RAPGEF4: variants seen among roughly 807,000 people sequenced by gnomAD.
The protein encoded by RAPGEF4 is RAP guanine-nucleotide-exchange factor (GEF) 4.
Under a neutral mutation model 147.9 loss-of-function variants are expected in RAPGEF4, and 66 were observed. The observed-to-expected ratio is 0.45, with a 90% CI of 0.37 to 0.55. RAPGEF4 has a LOEUF of 0.55. Ranked by LOEUF, RAPGEF4 falls within the 20% of genes least tolerant of loss-of-function variation. RAPGEF4 has a pLI of 0.00. For missense variants in RAPGEF4, 1,071 were observed against 1,257.3 expected (o/e 0.85, Z 2.24); for synonymous variants, 419 against 442.7 (o/e 0.95, Z 0.67).
At chr2:173,034,475 T>C (rs1438692262) in intron 27 of RAPGEF4, among the ~76,000 whole-genome samples, 1 of 152,180 alleles carries the variant, frequency 6.6e-6, no homozygotes, top group African/African-American at 2.4e-5. Flanking sequence ...ATTTTTGCTT[T>C]CATAGGAAAT....
At chr2:172,851,596 A>G (rs1026978742) in intron 4 of RAPGEF4, among the ~76,000 whole-genome samples, 17 of 152,246 alleles carry the variant, frequency 1.1e-4, no homozygotes, top group African/African-American at 4.1e-4. Flanking sequence ...CATATACACC[A>G]TGGAATACTA....
intron 4 of RAPGEF4, among the ~76,000 whole-genome samples, chr2:172,906,481 A>G (rs1405027007): frequency 6.6e-6 from 1 of 152,198 alleles, no homozygotes; most frequent in Non-Finnish European, 1.5e-5. Flanking sequence ...TGATTATCCC[A>G]GCCAAGGGGT....
At chr2:172,794,432 C>T (rs532874912) in intron 1 of RAPGEF4, among the ~76,000 whole-genome samples, 1 of 151,182 alleles carries the variant, frequency 6.6e-6, no homozygotes, top group Non-Finnish European at 1.5e-5. Context: ...GAAGATTTGA[C>T]AACATCTGGG....
chr2:172,780,942 AC>A (rs1312017177), intron 1 of RAPGEF4, among the ~76,000 whole-genome samples: 1 of 152,166 alleles, frequency 6.6e-6, no homozygotes, highest in Non-Finnish European at 1.5e-5. Context: ...CACATTAAAA[AC>A]ATTTCACTTC....
At chr2:172,737,222 C>A (rs1223647864) in intron 1 of RAPGEF4, among the ~76,000 whole-genome samples, 1 of 152,036 alleles carries the variant, frequency 6.6e-6, no homozygotes, top group Non-Finnish European at 1.5e-5. Flanking sequence ...CTATTTATGT[C>A]TAAAATGATA....
intron 6 of RAPGEF4, among the ~76,000 whole-genome samples, chr2:172,934,819 G>A (rs1686380982): frequency 1.3e-5 from 2 of 151,952 alleles, no homozygotes; most frequent in African/African-American, 4.8e-5. Flanking sequence ...AGAATTATTA[G>A]GTTACTATAT....
In RAPGEF4 at chr2:173,018,684, C is replaced by A. The variant is rs770592612; in HGVS notation, c.2037C>A (p.His679Gln). The change falls in exon 22 of 31, where the codon CAC becomes CAA. Residue 679 changes from histidine (H) to glutamine (Q), a missense_variant. Physicochemically the swap from His to Gln is conservative, Grantham distance 24. Coordinates refer to ENST00000397081, the MANE Select transcript of RAPGEF4 (RefSeq NM_007023.4). ...EVLFKVYCMD[H>Q]TYTTIRVPVA... ...TGTTTAAGGTCTATTGCATGGACCA[C>A]ACCTACACAACCATTCGGGTGCCAG... The A allele has an allele frequency of 9.3e-6, 15 of 1,614,076 alleles. No homozygotes were observed. The South Asian group carries it at 1.6e-4, about 18-fold the overall frequency.
At chr2:172,819,720 C>G (rs563711324) in intron 4 of RAPGEF4, among the ~76,000 whole-genome samples, 61 of 152,248 alleles carry the variant, frequency 4.0e-4, no homozygotes, top group African/African-American at 1.3e-3. Context: ...CCGCCTCGGC[C>G]TCCCAAAGTG....
chr2:172,866,397 T>G (rs915607824), intron 4 of RAPGEF4, among the ~76,000 whole-genome samples: 1 of 152,112 alleles, frequency 6.6e-6, no homozygotes, highest in Admixed American at 6.6e-5. Context: ...TTCCTTTCCC[T>G]TCTTGAAATA....
intron 4 of RAPGEF4, among the ~76,000 whole-genome samples, chr2:172,833,260 GTT>G (rs11335525): frequency 0.099 from 12,615 of 126,804 alleles, 568 homozygotes; most frequent in East Asian, 0.25. Flanking sequence ...AGAGGTTTGG[GTT>G]TTTTTTTTTT....
chr2:172,974,837 T>C (rs1447523177), intron 10 of RAPGEF4, among the ~76,000 whole-genome samples: 3 of 152,230 alleles, frequency 2.0e-5, no homozygotes, highest in East Asian at 1.9e-4. Flanking sequence ...AAAATGATGA[T>C]GAAGATTATT....
intron 4 of RAPGEF4, among the ~76,000 whole-genome samples, chr2:172,901,586 A>G (rs1237386778): frequency 6.6e-6 from 1 of 152,232 alleles, no homozygotes. Context: ...ACAATGATGA[A>G]GTAGAGGAAA....
At chr2:172,958,674 A>G (rs2105443802) in intron 6 of RAPGEF4, among the ~76,000 whole-genome samples, 1 of 152,348 alleles carries the variant, frequency 6.6e-6, no homozygotes, top group African/African-American at 2.4e-5. Flanking sequence ...TGCTGTTAAA[A>G]TACTATAATA....
chr2:172,954,310 A>G (rs982082628), intron 6 of RAPGEF4, among the ~76,000 whole-genome samples: 1 of 152,166 alleles, frequency 6.6e-6, no homozygotes, highest in African/African-American at 2.4e-5. Flanking sequence ...CTGTCTCTCC[A>G]GATTTCTGGG....
chr2:172,931,746 C>T (rs889689508), intron 6 of RAPGEF4, among the ~76,000 whole-genome samples: 3 of 152,138 alleles, frequency 2.0e-5, no homozygotes, highest in African/African-American at 7.2e-5. Context: ...ATCACAGCAG[C>T]CCACCCAGGA....
At chr2:172,812,086 G>A (rs1450366331) in intron 3 of RAPGEF4, among the ~76,000 whole-genome samples, 1 of 152,168 alleles carries the variant, frequency 6.6e-6, no homozygotes, top group Non-Finnish European at 1.5e-5. Flanking sequence ...TCTGCTGAAA[G>A]TTTGAACTTG....
At chr2:172,762,657 A>G (rs1236611877) in intron 1 of RAPGEF4, among the ~76,000 whole-genome samples, 1 of 152,236 alleles carries the variant, frequency 6.6e-6, no homozygotes, top group Non-Finnish European at 1.5e-5. Context: ...CTGTTGAGCA[A>G]CAACTTTTAT....
Position 173,020,615 on chromosome 2 carries a change from C to A in RAPGEF4, c.2156-3C>A. ...GGCAATCTCATGCTTTTTATGTTCA[C>A]AGAAAAGGTGGTGCTCAAACCTAAT... On this transcript the variant is annotated splice_polypyrimidine_tract_variant and splice_region_variant and intron_variant, in intron 22 of 30. Transcript: ENST00000397081. The A allele has an allele frequency of 6.2e-7, 1 of 1,611,412 alleles. No individual in the cohort carries two copies. The highest frequency in any genetic ancestry group is 8.5e-7 in the Non-Finnish European group (1 of 1,177,834).
rs1450572730 is a variant in RAPGEF4, at chr2:173,035,912, T to G, written c.2701-213T>G. On this transcript the variant is annotated intron_variant, in intron 27 of 30. Transcript: ENST00000397081. ...CTTGTCCTCTTCTTGTTGAGTAGGC[T>G]CAGGAGGAGGAGAAGGGGTTGTTGG... Among the ~76,000 whole-genome samples the G allele has an allele frequency of 2.6e-5, 4 of 152,236 alleles. No homozygotes were observed. The East Asian group carries it at 7.7e-4, about 29-fold the overall frequency.
Sources: allele counts gnomAD v4.1 joint callset (sites outside exome capture counted in the v4.1 genomes callset), GRCh38; gene constraint gnomAD v4.1.1; transcripts MANE v1.5; gene names NCBI Gene and HGNC (gene_info 2026-07-23, HGNC 2026-07-21).